THSD4: variants seen among roughly 807,000 people sequenced by gnomAD.
THSD4 encodes the protein thrombospondin type-1 domain-containing protein 4.
A neutral mutation model predicts 119.0 loss-of-function variants in THSD4; 69 were observed. That is an observed-to-expected ratio of 0.58 (90% CI 0.48 to 0.71). The LOEUF (loss-of-function observed/expected upper bound fraction) is 0.71. Among genes scored for constraint, THSD4 ranks in the 30% least tolerant of loss-of-function variants. THSD4 has a pLI of 0.00. For synonymous variants in THSD4, 524 were observed against 540.4 expected, an observed-to-expected ratio of 0.97 and a Z score of 0.42; for missense variants, 1,393 against 1,391.1, an observed-to-expected ratio of 1.00 and a Z score of -0.02.
intron 1 of THSD4, among the ~76,000 whole-genome samples, chr15:71,119,408 A>G (rs995130896): frequency 2.0e-5 from 3 of 152,126 alleles, no homozygotes; most frequent in Admixed American, 2.0e-4. Flanking sequence ...CTTCCTTTAC[A>G]ATGTGGTTCT....
intron 6 of THSD4, among the ~76,000 whole-genome samples, chr15:71,395,914 GACACACACACACACACACAC>G (rs58433075): frequency 2.3e-4 from 31 of 133,296 alleles, no homozygotes; most frequent in African/African-American, 8.4e-4. Context: ...TTTGAAGAGA[GACACACACACACACACACAC>G]ACACACACAC....
chr15:71,098,664 C>T (rs953402730), intron 1 of THSD4, among the ~76,000 whole-genome samples: 6 of 151,980 alleles, frequency 3.9e-5, no homozygotes, highest in African/African-American at 1.2e-4. Flanking sequence ...ATGGGCAGTG[C>T]GAAAATGAAT....
intron 7 of THSD4, among the ~76,000 whole-genome samples, chr15:71,606,527 G>GTTTGTTTA (rs143305610): frequency 6.6e-6 from 1 of 150,846 alleles, no homozygotes; most frequent in Non-Finnish European, 1.5e-5. Context: ...AATGGCAATT[G>GTTTGTTTA]TTTATTTATT....
At position 71,242,702 on chromosome 15, in the gene THSD4, C is replaced by T. The variant is rs2044163393; in HGVS notation, c.518C>T (p.Pro173Leu). The change falls in exon 5 of 18, where the codon CCA (proline) becomes CTA (leucine). Residue 173 changes from proline to leucine, a missense_variant. Pro to Leu is a moderately conservative substitution (Grantham distance 98, BLOSUM62 -3). Transcript: ENST00000261862. ...GGCAAGTATGGCTATGGTAAGGCCC[C>T]ATATATCTTACCACTGCAGACAGAC... ...GPGKYGYGKA[P>L]YILPLQTDTA... 5.0e-6 allele frequency: 8 copies of T among 1,614,190 alleles called. No individual in the cohort carries two copies. Among genetic ancestry groups the T allele is most frequent in the Non-Finnish European group, 6.8e-6 (8 of 1,180,048 alleles).
intron 7 of THSD4, among the ~76,000 whole-genome samples, chr15:71,430,682 G>A (rs112844353): frequency 0.012 from 1,871 of 151,186 alleles, 27 homozygotes; most frequent in Middle Eastern, 0.037. Context: ...ACTTGAACCC[G>A]GGAGGTGGAG....
chr15:71,223,296 C>G (rs2140257325), intron 4 of THSD4, among the ~76,000 whole-genome samples: 1 of 152,186 alleles, frequency 6.6e-6, no homozygotes, highest in South Asian at 2.1e-4. Context: ...TCTAGAAAGC[C>G]CTTTTCAAAG....
intron 6 of THSD4, among the ~76,000 whole-genome samples, chr15:71,410,712 T>A (rs1473542282): frequency 2.0e-5 from 3 of 152,154 alleles, no homozygotes; most frequent in African/African-American, 7.2e-5. Flanking sequence ...ATACAGATGA[T>A]ATAACTGCGT....
At chr15:71,424,587 T>C (rs1334164198) in intron 7 of THSD4, among the ~76,000 whole-genome samples, 3 of 152,110 alleles carry the variant, frequency 2.0e-5, no homozygotes, top group African/African-American at 7.2e-5. Flanking sequence ...CAAAAACGAA[T>C]ATCTGGCCAG....
At chr15:71,728,397 A>T in intron 8 of THSD4, 152 bp from the exon 9 acceptor site, 1 of 876,868 alleles carries the variant, frequency 1.1e-6, no homozygotes, top group Non-Finnish European at 1.7e-6. Flanking sequence ...CTAGATGCCT[A>T]ATGGCGCCCC....
chr15:71,587,972 T>C (rs539805582), intron 7 of THSD4, among the ~76,000 whole-genome samples: 1 of 152,132 alleles, frequency 6.6e-6, no homozygotes, highest in Admixed American at 6.5e-5. Flanking sequence ...ACCAGTACTC[T>C]CCCTGTGGCA....
chr15:71,777,488 A>T lies in THSD4; in HGVS notation c.*114A>T. On this transcript the variant is annotated 3_prime_UTR_variant, in exon 18 of 18. Coordinates refer to ENST00000261862, the MANE Select transcript of THSD4 (RefSeq NM_024817.3). The stretch of plus-strand genomic sequence containing the variant: ...CCCCCTGGCCCAGGCGCTGCCAACC[A>T]ACTTAGTCACCACCCCTGCCTCCGG... The T allele has an allele frequency of 7.0e-7, 1 of 1,422,920 alleles. No homozygotes were observed. The highest frequency in any genetic ancestry group is 9.4e-7 in the Non-Finnish European group (1 of 1,068,908). The allele number at this position is 1,422,920 out of a possible 1,614,324, so 88.1% of individuals were successfully genotyped here.
chr15:71,723,465 A>G (rs547816741), intron 8 of THSD4, among the ~76,000 whole-genome samples: 3 of 152,242 alleles, frequency 2.0e-5, no homozygotes, highest in South Asian at 2.1e-4. Flanking sequence ...TGAATTGCCT[A>G]TTTATTATTC....
intron 6 of THSD4, among the ~76,000 whole-genome samples, chr15:71,406,665 TG>T (rs1596407966): frequency 1.4e-5 from 2 of 147,064 alleles, no homozygotes; most frequent in South Asian, 4.3e-4. Flanking sequence ...TGTGTGTGTG[TG>T]TGTGTGTGTG....
intron 7 of THSD4, among the ~76,000 whole-genome samples, chr15:71,563,497 G>C (rs2049167259): frequency 6.6e-6 from 1 of 152,168 alleles, no homozygotes; most frequent in South Asian, 2.1e-4. Flanking sequence ...GAAGCATTTT[G>C]ATAATTAATA....
At chr15:71,773,002 A>T (rs1211626041) in intron 17 of THSD4, among the ~76,000 whole-genome samples, 1 of 152,148 alleles carries the variant, frequency 6.6e-6, no homozygotes, top group Admixed American at 6.5e-5. Flanking sequence ...TGAGCCCAGC[A>T]GTTCAAGACC....
At chr15:71,359,586 T>A (rs994028005) in intron 6 of THSD4, among the ~76,000 whole-genome samples, 1 of 152,158 alleles carries the variant, frequency 6.6e-6, no homozygotes, top group African/African-American at 2.4e-5. Flanking sequence ...GGTGGGTAGA[T>A]TGCTTGAGTT....
At chr15:71,644,522 CA>C (rs200304248) in intron 7 of THSD4, among the ~76,000 whole-genome samples, 5 of 151,326 alleles carry the variant, frequency 3.3e-5, no homozygotes, top group Admixed American at 6.6e-5. Context: ...TCCAGATTTA[CA>C]AAAAAAAATT....
At chr15:71,312,958 T>A (rs2045132584) in intron 6 of THSD4, among the ~76,000 whole-genome samples, 1 of 152,208 alleles carries the variant, frequency 6.6e-6, no homozygotes, top group Admixed American at 6.5e-5. Flanking sequence ...ATGAAAGCTC[T>A]GCGAGAGCAG....
chr15:71,759,193 T>A (rs1236462226), intron 15 of THSD4, among the ~76,000 whole-genome samples: 1 of 152,190 alleles, frequency 6.6e-6, no homozygotes, highest in East Asian at 1.9e-4. Flanking sequence ...GTAGAGTTTT[T>A]ATGCAAAAAG....
Sources: allele counts gnomAD v4.1 joint callset (sites outside exome capture counted in the v4.1 genomes callset), GRCh38; gene constraint gnomAD v4.1.1; transcripts MANE v1.5; gene names NCBI Gene and HGNC (gene_info 2026-07-23, HGNC 2026-07-21).